Variants in KIF21B observed in about 807,000 individuals in gnomAD.
KIF21B encodes the protein kinesin-like protein KIF21B.
KIF21B carries 85 observed loss-of-function variants against 192.9 expected under a neutral mutation model. The observed-to-expected ratio is 0.44, with a 90% CI of 0.37 to 0.53. The LOEUF is 0.53. Among genes scored for constraint, KIF21B ranks in the 20% least tolerant of loss-of-function variants. KIF21B has a pLI of 0.00. For synonymous variants in KIF21B, 832 were observed against 884.6 expected (o/e 0.94, Z 1.05); for missense variants, 1,716 against 2,194.8 (o/e 0.78, Z 4.36).
intron 1 of KIF21B, among the ~76,000 whole-genome samples, chr1:201,015,546 G>A (rs1658453876): frequency 6.6e-6 from 1 of 152,236 alleles, no homozygotes; most frequent in South Asian, 2.1e-4. Flanking sequence ...TGTCTGCCCT[G>A]ATTCCATGAT....
rs1656017845 is a variant in KIF21B at position 200,982,621 on chromosome 1, C to G, written c.3842+435G>C. Among the ~76,000 whole-genome samples the G allele has an allele frequency of 6.6e-6, 1 of 152,196 alleles. No homozygotes were observed. Reference sequence around the variant, plus strand: ...AGAGCCAACGTCTGAAAAGCTCACCCCCAGCACAAGCTGAGGGAATCAAAG... The same window carrying G: ...AGAGCCAACGTCTGAAAAGCTCACCGCCAGCACAAGCTGAGGGAATCAAAG... On this transcript the variant is annotated intron_variant, in intron 28 of 34. Transcript: ENST00000461742. This position sits in a 1 kb window ranked among gnomAD's most constrained non-coding sequence, Gnocchi z 4.7.
At chr1:201,007,651 C>G (rs1280178095) in intron 3 of KIF21B, among the ~76,000 whole-genome samples, 1 of 148,420 alleles carries the variant, frequency 6.7e-6, no homozygotes, top group African/African-American at 2.5e-5. Flanking sequence ...CACACACACA[C>G]AGACGCGCAC....
intron 9 of KIF21B, chr1:201,001,310 T>C (rs1657487446): frequency 6.5e-6 from 1 of 154,804 alleles, no homozygotes; most frequent in Non-Finnish European, 1.4e-5. Flanking sequence ...TGCCCATCAC[T>C]AGAAGGCTAC....
intron 8 of KIF21B, 43 bp from the exon 9 acceptor site, chr1:201,002,393 G>A (rs56770229): frequency 0.14 from 215,125 of 1,579,406 alleles, 17,675 homozygotes; most frequent in African/African-American, 0.39. Flanking sequence ...AGCAGAGCTC[G>A]CGGTTGGGGG....
chr1:200,991,780 G>T, intron 16 of KIF21B, 55 bp from the exon 17 acceptor site: 1 of 1,571,248 alleles, frequency 6.4e-7, no homozygotes, highest in Non-Finnish European at 8.7e-7. Context: ...AGCCCTCTCT[G>T]TCTGTGTACA....
chr1:200,983,185 G>A, intron 27 of KIF21B, 91 bp from the exon 28 acceptor site: 1 of 1,093,242 alleles, frequency 9.1e-7, no homozygotes, highest in Non-Finnish European at 1.3e-6. Context: ...GGGGTGGTCA[G>A]AGGGCAGGTT....
At position 200,989,858 on chromosome 1, in the gene KIF21B, C is replaced by G. The variant is rs564805289; in HGVS notation, c.3132+84G>C. 37 of 1,108,146 alleles carry G rather than the reference C, an allele frequency of 3.3e-5. No individual in the cohort carries two copies. In the South Asian group the frequency reaches 4.5e-4, roughly 13 times the overall value. 68.6% of individuals were successfully genotyped at this position (1,108,146 alleles called of 1,614,324 possible). On this transcript the variant is annotated intron_variant, in intron 21 of 34. Coordinates refer to ENST00000461742, the MANE Select transcript of KIF21B (RefSeq NM_001252102.2). ...GTGAGTGACGCAGGTGAGGAGGCGC[C>G]AGGCCCCTGGGCTTCACACTAGGGT...
chr1:200,982,417 ACCCCAGGT>A lies in KIF21B; in HGVS notation c.3842+631_3842+638del, dbSNP rs1655997900. On this transcript the variant is annotated intron_variant, in intron 28 of 34. Transcript: ENST00000461742. The surrounding 1 kb of genome is among the most constrained non-coding windows in gnomAD (Gnocchi z 4.7). ...GCCCTTGGCTTGTCAGGGGCTCGGGACCCCAGGTCCTGAGTCTTGCTCCTCGTTGTGCG... is the reference window on the plus strand; with the variant it reads ...GCCCTTGGCTTGTCAGGGGCTCGGGACCTGAGTCTTGCTCCTCGTTGTGCG... Among the ~76,000 whole-genome samples the A allele has an allele frequency of 6.6e-6, 1 of 152,044 alleles. No individual in the cohort carries two copies. Among genetic ancestry groups the A allele is most frequent in the Non-Finnish European group, 1.5e-5 (1 of 67,992 alleles).
rs961757492 is a variant in KIF21B, at chr1:200,969,610, T to G, written c.*3911A>C. ...GCAGGACATGATTGCTAGAAAAGAG[T>G]TGGTGGGCAGGGCAGGGCCCTGATT... On this transcript the variant is annotated 3_prime_UTR_variant, in exon 35 of 35. Coordinates refer to ENST00000461742, the MANE Select transcript of KIF21B (RefSeq NM_001252102.2). 1 of 152,152 alleles carries G rather than the reference T, an allele frequency of 6.6e-6. No individual in the cohort carries two copies. Among genetic ancestry groups the G allele is most frequent in the African/African-American group, 2.4e-5 (1 of 41,218 alleles). The allele number at this position is 152,152 out of a possible 1,614,324, so 9.4% of individuals were successfully genotyped here. A position where few individuals can be genotyped will look rare whatever the true frequency, so the allele number is the denominator to read the frequency against.
In KIF21B at chr1:201,000,546, G is replaced by A. The variant is rs764127649; in HGVS notation, c.1529C>T (p.Ser510Leu). 7 of 1,612,914 alleles carry A rather than the reference G, an allele frequency of 4.3e-6. No homozygotes were observed. Among genetic ancestry groups the A allele is most frequent in the East Asian group, 4.5e-5 (2 of 44,880 alleles). ...ESLRRSLSRA[S>L]ARSPYSLGAS... ...ACCCAGGGAGTAGGGGCTCCTAGCC[G>A]AGGCCCGTGAGAGGCTGCGGCGCAG... The change falls in exon 11 of 35, where the codon TCG (serine) becomes TTG (leucine). Residue 510 changes from serine to leucine, a missense_variant. Transcript: ENST00000461742. This position sits in a 1 kb window ranked among gnomAD's most constrained non-coding sequence, Gnocchi z 6.0.
rs571907855 is a variant in KIF21B at position 200,974,987 on chromosome 1, C to T, written c.4615-74G>A. ...AGAACCTGCCCCAGGGCCCCTCTTG[C>T]TAGTAGTGGAGCTACTTCCAGGCTC... On this transcript the variant is annotated intron_variant, in intron 33 of 34. Coordinates refer to ENST00000461742, the MANE Select transcript of KIF21B (RefSeq NM_001252102.2). 5 of 1,472,314 alleles carry T rather than the reference C, an allele frequency of 3.4e-6. No individual in the cohort carries two copies. In the South Asian group the frequency reaches 4.7e-5, roughly 14 times the overall value. The allele number at this position is 1,472,314 out of a possible 1,614,324, so 91.2% of individuals were successfully genotyped here.
chr1:200,984,848 G>A lies in KIF21B; in HGVS notation c.3803+11C>T. 1 of 1,544,082 alleles carries A rather than the reference G, an allele frequency of 6.5e-7. No individual in the cohort carries two copies. Among genetic ancestry groups the A allele is most frequent in the Non-Finnish European group, 8.7e-7 (1 of 1,145,044 alleles). ...AGTGCCCTCCCCCACTTGCCCTCCAGCCCTGCTTACTTGTCCAGCGCTGAC... is the reference window on the plus strand; with the variant it reads ...AGTGCCCTCCCCCACTTGCCCTCCAACCCTGCTTACTTGTCCAGCGCTGAC... On this transcript the variant is annotated intron_variant, in intron 27 of 34. Transcript: ENST00000461742.
intron 1 of KIF21B, among the ~76,000 whole-genome samples, chr1:201,015,877 G>A (rs1315348931): frequency 2.0e-5 from 3 of 152,214 alleles, no homozygotes; most frequent in Admixed American, 1.3e-4. Flanking sequence ...AGAGGCTGGA[G>A]GGGTCTGTGC....
chr1:201,000,963 C>G lies in KIF21B; in HGVS notation c.1403-183G>C, dbSNP rs1657458981. Among the ~76,000 whole-genome samples the G allele has an allele frequency of 6.6e-6, 1 of 152,072 alleles. No individual in the cohort carries two copies. Among genetic ancestry groups the G allele is most frequent in the South Asian group, 2.1e-4 (1 of 4,830 alleles). The stretch of plus-strand genomic sequence containing the variant: ...TCTCTACTAAAAATACAAAATTAGC[C>G]GGGCGTGGTGGCGCATGCCTCTAAT... On this transcript the variant is annotated intron_variant, in intron 9 of 34. Transcript: ENST00000461742. This position sits in a 1 kb window ranked among gnomAD's most constrained non-coding sequence, Gnocchi z 6.0.
At position 200,979,735 on chromosome 1, in the gene KIF21B, G is replaced by A; in HGVS notation, c.3980-20C>T. ...TTCGGTCTGTGAGAGATGGGAGGAA[G>A]CCACAGGGAGGGGAGGGATGTCAGC... On this transcript the variant is annotated intron_variant, in intron 29 of 34. Transcript: ENST00000461742. 1.3e-6 allele frequency: 2 copies of A among 1,492,796 alleles called. No homozygotes were observed. Among genetic ancestry groups the A allele is most frequent in the South Asian group, 2.7e-5 (2 of 74,148 alleles). The allele number at this position is 1,492,796 out of a possible 1,614,324, so 92.5% of individuals were successfully genotyped here. A position where few individuals can be genotyped will look rare whatever the true frequency, so the allele number is the denominator to read the frequency against.
Position 200,975,577 on chromosome 1 carries a change from G to T in KIF21B, c.4536C>A (p.Ile1512=), listed in dbSNP as rs1187363969. Residue 1512 remains isoleucine (I), a synonymous_variant, in exon 33 of 35, where the codon ATC becomes ATA. Transcript: ENST00000461742. The surrounding 1 kb of genome is among the most constrained non-coding windows in gnomAD (Gnocchi z 4.3). ...PHYDGIECLA[I]QGDILFSGSR... is the part of the protein sequence containing the mutation. The stretch of plus-strand genomic sequence containing the variant: ...AGCCACTGAACAGGATGTCTCCCTG[G>T]ATGGCGAGACACTCGATGCCATCGT... 3 of 1,614,050 alleles carry T rather than the reference G, an allele frequency of 1.9e-6. No individual in the cohort carries two copies. Among genetic ancestry groups the T allele is most frequent in the South Asian group, 1.1e-5 (1 of 91,080 alleles).
Position 200,991,060 on chromosome 1 carries a change from A to G in KIF21B, c.2544T>C (p.Ala848=). 5 of 1,614,156 alleles carry G rather than the reference A, an allele frequency of 3.1e-6. No individual in the cohort carries two copies. Among genetic ancestry groups the G allele is most frequent in the Non-Finnish European group, 4.2e-6 (5 of 1,180,042 alleles). ...ATGAGGTAGTGCTGGCCGACACCTC[A>G]GCCCCAGAGTCCAGCATGGGTGGCT... is the stretch of plus-strand genomic sequence containing the variant. The part of the protein sequence containing the change: ...GLKPPMLDSG[A]EVSASTTSSE... The change falls in exon 18 of 35, where the codon GCT becomes GCC. Residue 848 remains alanine (A), a synonymous_variant. Transcript: ENST00000461742.
rs772228419 is a variant in KIF21B at position 200,999,345 on chromosome 1, G to A, written c.1885+4C>T. The A allele has an allele frequency of 1.4e-5, 22 of 1,613,870 alleles. No homozygotes were observed. Among genetic ancestry groups the A allele is most frequent in the Admixed American group, 1.7e-5 (1 of 59,998 alleles). The stretch of plus-strand genomic sequence containing the variant: ...CCCACAGCCCACAGCTCAGGCCCAC[G>A]CACCCTTCTCCTCGGGGTCTGAGTC... On this transcript the variant is annotated splice_donor_region_variant and intron_variant, in intron 13 of 34. Transcript: ENST00000461742. The surrounding 1 kb of genome is among the most constrained non-coding windows in gnomAD (Gnocchi z 4.7).
At chr1:201,003,251 A>G (rs549657022) in intron 8 of KIF21B, 21 of 390,658 alleles carry the variant, frequency 5.4e-5, no homozygotes, top group Non-Finnish European at 8.3e-5. Context: ...ACCTGTTCCA[A>G]CACAACACAT....
Sources: allele counts gnomAD v4.1 joint callset (sites outside exome capture counted in the v4.1 genomes callset), GRCh38; gene constraint gnomAD v4.1.1; non-coding constraint Gnocchi (gnomAD v3.1); transcripts MANE v1.5; gene names NCBI Gene and HGNC (gene_info 2026-07-23, HGNC 2026-07-21).